DCAF8L2: variants seen among roughly 807,000 people sequenced by gnomAD.
DCAF8L2 encodes DDB1- and CUL4-associated factor 8-like protein 2.
For synonymous variants in DCAF8L2, 200 were observed against 190.9 expected (o/e 1.05, Z -0.39); for missense variants, 430 against 490.7 (o/e 0.88, Z 1.17).
upstream of DCAF8L2, among the ~76,000 whole-genome samples, chrX:27,590,068 T>C (rs777362573): frequency 1.8e-5 from 2 of 111,721 alleles, no homozygotes; most frequent in Non-Finnish European, 3.8e-5. Flanking sequence ...AAGCAACTGG[T>C]AGAAGACAAA....
At chrX:27,500,957 C>T in the DCAF8L2 span, among the ~76,000 whole-genome samples, 1 of 111,421 alleles carries the variant, frequency 9.0e-6, no homozygotes, top group African/African-American at 3.3e-5. Context: ...CGGCTTTCCA[C>T]CTTCAGAAGC....
At chrX:27,545,111 A>G in the DCAF8L2 span, among the ~76,000 whole-genome samples, 1 of 111,764 alleles carries the variant, frequency 8.9e-6, no homozygotes, top group Non-Finnish European at 1.9e-5. Context: ...TTCAGGATAC[A>G]TTTAGCTTCG....
At chrX:27,586,716 T>C (rs1925910934), upstream of DCAF8L2, among the ~76,000 whole-genome samples, 1 of 111,363 alleles carries the variant, frequency 9.0e-6, no homozygotes, top group African/African-American at 3.3e-5. Flanking sequence ...CTTTTCACCT[T>C]TGCTCTTGGT....
the DCAF8L2 span, among the ~76,000 whole-genome samples, chrX:27,483,984 T>G: frequency 8.9e-6 from 1 of 111,775 alleles, no homozygotes; most frequent in Admixed American, 9.6e-5. Flanking sequence ...CAGATCTTTC[T>G]GATGTTTGGC....
chrX:27,725,456 A>G (rs979778411), intron 4 of DCAF8L2, among the ~76,000 whole-genome samples: 5 of 110,772 alleles, frequency 4.5e-5, no homozygotes, highest in African/African-American at 1.6e-4. Context: ...TATCTGCCCC[A>G]AAAAGATTTA....
chrX:27,531,860 C>T, the DCAF8L2 span, among the ~76,000 whole-genome samples: 1 of 111,157 alleles, frequency 9.0e-6, no homozygotes, highest in Non-Finnish European at 1.9e-5. Context: ...AGATAACAGG[C>T]ATTGTGTACC....
the DCAF8L2 span, among the ~76,000 whole-genome samples, chrX:27,580,430 G>A: frequency 9.0e-6 from 1 of 111,452 alleles, no homozygotes; most frequent in Non-Finnish European, 1.9e-5. Flanking sequence ...TTGTCCCAGA[G>A]CCCCCAGAAA....
chrX:27,587,985 A>AATATATATAT (rs202098791), upstream of DCAF8L2, among the ~76,000 whole-genome samples: 10 of 22,332 alleles, frequency 4.5e-4, no homozygotes, highest in African/African-American at 6.9e-4. Flanking sequence ...TAAAAAAAAA[A>AATATATATAT]ATATATATAT....
chrX:27,591,016 A>ATATATATATATATAT (rs1569153314), intron 1 of DCAF8L2, among the ~76,000 whole-genome samples: 90 of 44,674 alleles, frequency 2.0e-3, no homozygotes, highest in Non-Finnish European at 4.3e-3. Context: ...TATATATATA[A>ATATATATATATATAT]ATAAATAATT....
the DCAF8L2 span, among the ~76,000 whole-genome samples, chrX:27,574,910 G>A: frequency 3.6e-5 from 4 of 111,504 alleles, no homozygotes; most frequent in African/African-American, 1.3e-4. Context: ...TGCTCTTTTA[G>A]GCGGCTTGTG....
intron 2 of DCAF8L2, among the ~76,000 whole-genome samples, chrX:27,644,912 G>A (rs1023605847): frequency 3.4e-4 from 38 of 111,457 alleles, no homozygotes; most frequent in African/African-American, 1.2e-3. Context: ...GTGCCACCAC[G>A]CCCAACTAAT....
the DCAF8L2 span, among the ~76,000 whole-genome samples, chrX:27,539,691 A>G: frequency 9.2e-6 from 1 of 108,413 alleles, no homozygotes; most frequent in African/African-American, 3.3e-5. Context: ...TAGCTAGTAA[A>G]GTTAATCTTA....
intron 1 of DCAF8L2, among the ~76,000 whole-genome samples, chrX:27,597,738 C>T (rs186454618): frequency 8.9e-6 from 1 of 112,119 alleles, no homozygotes; most frequent in Admixed American, 9.5e-5. Flanking sequence ...CAATATATCA[C>T]TGTGGTAAAT....
At chrX:27,603,384 G>A (rs1456018743) in intron 1 of DCAF8L2, among the ~76,000 whole-genome samples, 2 of 111,444 alleles carry the variant, frequency 1.8e-5, no homozygotes, top group Non-Finnish European at 3.8e-5. Context: ...AGAATTTTAA[G>A]TGCCCGGGGA....
At chrX:27,529,221 A>G in the DCAF8L2 span, among the ~76,000 whole-genome samples, 1 of 111,758 alleles carries the variant, frequency 8.9e-6, no homozygotes, top group Non-Finnish European at 1.9e-5. Flanking sequence ...TTATTGCAGT[A>G]TAATCTTGCC....
At chrX:27,514,668 C>CA in the DCAF8L2 span, among the ~76,000 whole-genome samples, 96 of 2,507 alleles carry the variant, frequency 0.038, 3 homozygotes, top group Middle Eastern at 0.5. Context: ...GACTCCGTCT[C>CA]AAAAAAAAAA....
the DCAF8L2 span, among the ~76,000 whole-genome samples, chrX:27,539,228 A>G: frequency 8.9e-6 from 1 of 111,839 alleles, no homozygotes; most frequent in Admixed American, 9.5e-5. Context: ...TTTGATTTAT[A>G]TCAAAAATGT....
At chrX:27,620,126 T>A (rs1258146252) in intron 1 of DCAF8L2, among the ~76,000 whole-genome samples, 7 of 111,817 alleles carry the variant, frequency 6.3e-5, no homozygotes, top group Non-Finnish European at 3.8e-5. Context: ...CATATATACA[T>A]TGACAAAAAT....
upstream of DCAF8L2, among the ~76,000 whole-genome samples, chrX:27,587,983 A>T (rs1305210195): frequency 2.0e-4 from 5 of 25,130 alleles, no homozygotes; most frequent in Middle Eastern, 0.015. Context: ...ATTAAAAAAA[A>T]AAATATATAT....
Sources: gnomAD v4.1 joint callset for allele counts (sites outside exome capture counted in the v4.1 genomes callset) on GRCh38, gnomAD v4.1.1 for gene constraint, MANE v1.5 for transcripts, NCBI Gene and HGNC (gene_info 2026-07-23, HGNC 2026-07-21) for gene names.